Variants in GABBR2 observed in about 807,000 individuals in gnomAD.
The protein encoded by GABBR2 is gamma-aminobutyric acid type B receptor subunit 2.
In GABBR2, 23 loss-of-function variants were observed where a neutral mutation model predicts 105.6. The ratio of observed to expected loss-of-function variants is 0.22; its 90% confidence interval spans 0.16 to 0.31. The LOEUF is 0.31. Among genes scored for constraint, GABBR2 ranks in the 10% least tolerant of loss-of-function variants. GABBR2 has a pLI of 1.00. For synonymous variants in GABBR2, 478 were observed against 499.7 expected, an observed-to-expected ratio of 0.96 and a Z score of 0.58; for missense variants, 734 against 1,245.5, an observed-to-expected ratio of 0.59 and a Z score of 6.18.
intron 1 of GABBR2, among the ~76,000 whole-genome samples, chr9:98,635,394 G>A (rs547870716): frequency 1.3e-5 from 2 of 152,280 alleles, no homozygotes; most frequent in Admixed American, 1.3e-4. Flanking sequence ...GGCATGGGGA[G>A]GATGGGAGTT....
intron 2 of GABBR2, among the ~76,000 whole-genome samples, chr9:98,560,412 CACACATATACACATACACACACA>C (rs1450052331): frequency 2.9e-5 from 3 of 102,602 alleles, no homozygotes; most frequent in Non-Finnish European, 5.0e-5. Context: ...TACACACACA[CACACATATACACATACACACACA>C]CACACATACA....
intron 1 of GABBR2, among the ~76,000 whole-genome samples, chr9:98,698,448 T>A (rs977949709): frequency 1.3e-5 from 2 of 152,112 alleles, no homozygotes; most frequent in Admixed American, 1.3e-4. Flanking sequence ...GGCAAGAATT[T>A]TCAGACTCTT....
chr9:98,535,616 G>T (rs1000414450), intron 3 of GABBR2, among the ~76,000 whole-genome samples: 1 of 152,092 alleles, frequency 6.6e-6, no homozygotes, highest in Non-Finnish European at 1.5e-5. Flanking sequence ...GTGACTTGAG[G>T]ATTCTCAGAT....
chr9:98,450,066 T>A (rs1172292274), intron 7 of GABBR2, among the ~76,000 whole-genome samples: 1 of 151,882 alleles, frequency 6.6e-6, no homozygotes, highest in African/African-American at 2.4e-5. Context: ...CGGCAGAGAG[T>A]GTGCATATTG....
chr9:98,481,726 C>T (rs543199503), intron 4 of GABBR2, among the ~76,000 whole-genome samples: 3 of 152,190 alleles, frequency 2.0e-5, no homozygotes, highest in Non-Finnish European at 4.4e-5. Flanking sequence ...GTGAAATAGT[C>T]CTTGTAAAGT....
At chr9:98,488,858 C>A (rs553253221) in intron 4 of GABBR2, among the ~76,000 whole-genome samples, 23 of 152,302 alleles carry the variant, frequency 1.5e-4, no homozygotes, top group African/African-American at 5.5e-4. Context: ...GACTGCTGAG[C>A]TAGAATCTCA....
At chr9:98,592,041 G>A (rs891308165) in intron 1 of GABBR2, among the ~76,000 whole-genome samples, 1 of 152,212 alleles carries the variant, frequency 6.6e-6, no homozygotes, top group Admixed American at 6.5e-5. Flanking sequence ...AGACACCTAG[G>A]AGCCCAAGCT....
chr9:98,359,385 A>T (rs541973845), intron 13 of GABBR2, among the ~76,000 whole-genome samples: 33 of 152,160 alleles, frequency 2.2e-4, no homozygotes, highest in Non-Finnish European at 4.1e-4. Context: ...AGCCAAGATC[A>T]TGCCACTGCA....
At chr9:98,313,307 G>A (rs1830663343) in intron 13 of GABBR2, among the ~76,000 whole-genome samples, 1 of 152,252 alleles carries the variant, frequency 6.6e-6, no homozygotes, top group Middle Eastern at 3.4e-3. Context: ...AGTGGAGAAT[G>A]GTGTTTAGAA....
chr9:98,670,761 C>G (rs996365904), intron 1 of GABBR2, among the ~76,000 whole-genome samples: 6 of 152,160 alleles, frequency 3.9e-5, no homozygotes, highest in African/African-American at 1.4e-4. Context: ...TTCTACTCAT[C>G]TGAGGTACCT....
intron 13 of GABBR2, among the ~76,000 whole-genome samples, chr9:98,317,727 A>G (rs1021492700): frequency 4.6e-5 from 7 of 152,192 alleles, no homozygotes; most frequent in Non-Finnish European, 1.5e-5. Flanking sequence ...GTCATGCACC[A>G]TGTTGGTGTG....
chr9:98,459,224 G>A (rs946263086), intron 6 of GABBR2, among the ~76,000 whole-genome samples: 7 of 151,992 alleles, frequency 4.6e-5, no homozygotes, highest in African/African-American at 9.7e-5. Context: ...TGATGAAATC[G>A]CTTATATCAG....
intron 1 of GABBR2, among the ~76,000 whole-genome samples, chr9:98,595,230 G>T (rs1230435924): frequency 6.6e-6 from 1 of 151,994 alleles, no homozygotes; most frequent in Non-Finnish European, 1.5e-5. Context: ...TGGTGGGAGG[G>T]GAGAACAAGC....
In GABBR2 at chr9:98,520,482, T is replaced by G. The variant is rs1827846445; in HGVS notation, c.630+21391A>C. Among the ~76,000 whole-genome samples, 4 of 152,182 alleles carry G rather than the reference T, an allele frequency of 2.6e-5. No homozygotes were observed. The South Asian group carries it at 8.3e-4, about 32-fold the overall frequency. ...GGTAGGGAGGCAGCTGTTCACAGAC[T>G]TGATATGGCAAATTGTGTGATGTGC... is the stretch of plus-strand genomic sequence containing the variant. On this transcript the variant is annotated intron_variant, in intron 3 of 18. Coordinates refer to ENST00000259455, the MANE Select transcript of GABBR2 (RefSeq NM_005458.8).
At chr9:98,664,525 G>C (rs1371866102) in intron 1 of GABBR2, among the ~76,000 whole-genome samples, 1 of 152,182 alleles carries the variant, frequency 6.6e-6, no homozygotes, top group Non-Finnish European at 1.5e-5. Context: ...GAAGCTGTTT[G>C]CATTTACATA....
At chr9:98,538,973 C>A (rs996105827) in intron 3 of GABBR2, among the ~76,000 whole-genome samples, 1 of 152,112 alleles carries the variant, frequency 6.6e-6, no homozygotes, top group Non-Finnish European at 1.5e-5. Context: ...ATCCTGTCCT[C>A]GGGAAAAAAG....
At chr9:98,543,446 C>T (rs1828342325) in intron 2 of GABBR2, among the ~76,000 whole-genome samples, 1 of 152,026 alleles carries the variant, frequency 6.6e-6, no homozygotes, top group East Asian at 1.9e-4. Flanking sequence ...CTCACTGCAG[C>T]CTGGAACTCC....
At chr9:98,442,782 T>C (rs1656827946) in intron 7 of GABBR2, among the ~76,000 whole-genome samples, 1 of 152,166 alleles carries the variant, frequency 6.6e-6, no homozygotes, top group African/African-American at 2.4e-5. Flanking sequence ...CTTCTGGTGG[T>C]TGGCTGGCAA....
intron 4 of GABBR2, among the ~76,000 whole-genome samples, chr9:98,494,323 A>AT (rs1827234012): frequency 6.6e-6 from 1 of 152,186 alleles, no homozygotes; most frequent in African/African-American, 2.4e-5. Context: ...AGGGATTTCA[A>AT]TTTTTAAATA....
Sources: gnomAD v4.1 joint callset for allele counts (sites outside exome capture counted in the v4.1 genomes callset) on GRCh38, gnomAD v4.1.1 for gene constraint, MANE v1.5 for transcripts, NCBI Gene and HGNC (gene_info 2026-07-23, HGNC 2026-07-21) for gene names.